The following MTA3 variants were observed in gnomAD, a reference collection of about 807,000 sequenced individuals.
MTA3 encodes metastasis-associated protein MTA3.
Under a neutral mutation model 83.5 loss-of-function variants are expected in MTA3, and 34 were observed. The observed-to-expected ratio is 0.41, with a 90% confidence interval of 0.31 to 0.54. The LOEUF (loss-of-function observed/expected upper bound fraction) is 0.54. Ranked by LOEUF, MTA3 falls within the 20% of genes least tolerant of loss-of-function variation. The probability of loss-of-function intolerance (pLI) is 0.33; values close to 1 mark genes in which losing one functional copy is unlikely to be tolerated. For missense variants in MTA3, 761 were observed against 726.4 expected (o/e 1.05, Z -0.55); for synonymous variants, 303 against 252.7 (o/e 1.20, Z -1.89).
At chr2:42,642,544 G>C (rs1347835458) in intron 5 of MTA3, among the ~76,000 whole-genome samples, 2 of 151,480 alleles carry the variant, frequency 1.3e-5, no homozygotes, top group African/African-American at 4.9e-5. Context: ...AATAACTTCA[G>C]TTACTGAGTA....
chr2:42,580,024 G>A (rs1296237383), intron 3 of MTA3, among the ~76,000 whole-genome samples: 1 of 152,120 alleles, frequency 6.6e-6, no homozygotes, highest in African/African-American at 2.4e-5. Flanking sequence ...GCTCACTGCA[G>A]CCTCGATGTC....
intron 2 of MTA3, among the ~76,000 whole-genome samples, chr2:42,536,946 T>C (rs931595): frequency 0.37 from 55,102 of 150,536 alleles, 10,226 homozygotes; most frequent in South Asian, 0.41. Flanking sequence ...CACCTGGGTG[T>C]AAGGAAAAAA....
rs559112132 is a variant in MTA3, at chr2:42,674,133, A to G, written c.703-8268A>G. Among the ~76,000 whole-genome samples, 56 of 152,384 alleles carry G rather than the reference A, an allele frequency of 3.7e-4. 1 individual carries two copies. The highest frequency in any genetic ancestry group is 2.9e-3 in the Admixed American group (44 of 15,306). Reference sequence around the variant, plus strand: ...ACAAAACTCAGTAGCACAAGAGGGCAAGGCCAAATGTGCAAACACTTGTCA... The same window carrying G: ...ACAAAACTCAGTAGCACAAGAGGGCGAGGCCAAATGTGCAAACACTTGTCA... On this transcript the variant is annotated intron_variant, in intron 8 of 16. Transcript: ENST00000405094.
At chr2:42,721,300 G>A (rs1297867961) in intron 15 of MTA3, among the ~76,000 whole-genome samples, 2 of 151,448 alleles carry the variant, frequency 1.3e-5, no homozygotes, top group African/African-American at 2.4e-5. Context: ...GGCACTTGGA[G>A]GAAGGACTGT....
chr2:42,521,745 TTCTC>T (rs975753405), intron 2 of MTA3, among the ~76,000 whole-genome samples: 13 of 129,330 alleles, frequency 1.0e-4, no homozygotes, highest in South Asian at 5.5e-4. Context: ...CCCTGAATCT[TTCTC>T]TCTTTTTTTT....
At chr2:42,724,493 T>C (rs777597471) in intron 16 of MTA3, among the ~76,000 whole-genome samples, 1 of 151,470 alleles carries the variant, frequency 6.6e-6, no homozygotes, top group Non-Finnish European at 1.5e-5. Flanking sequence ...CTACAAAAAG[T>C]TTACAAATTA....
intron 3 of MTA3, among the ~76,000 whole-genome samples, chr2:42,593,748 A>G (rs1327285374): frequency 6.6e-6 from 1 of 152,068 alleles, no homozygotes; most frequent in Non-Finnish European, 1.5e-5. Flanking sequence ...TCTGTACACT[A>G]CAATGGAACC....
intron 2 of MTA3, among the ~76,000 whole-genome samples, chr2:42,530,062 G>GT: frequency 6.6e-6 from 1 of 152,068 alleles, no homozygotes; most frequent in Admixed American, 6.6e-5. Context: ...GTGGGCGCCT[G>GT]TAATCCCAGC....
intron 14 of MTA3, among the ~76,000 whole-genome samples, chr2:42,716,821 G>T (rs750254171): frequency 1.3e-5 from 2 of 152,152 alleles, no homozygotes; most frequent in Non-Finnish European, 2.9e-5. Flanking sequence ...ATGATAGAAT[G>T]ATTTATATTC....
intron 5 of MTA3, among the ~76,000 whole-genome samples, chr2:42,642,644 G>GGTT (rs1687796275): frequency 7.4e-6 from 1 of 135,752 alleles, no homozygotes; most frequent in African/African-American, 2.7e-5. Flanking sequence ...TGTTAAGTTG[G>GGTT]TTTTTTTTTT....
intron 2 of MTA3, among the ~76,000 whole-genome samples, chr2:42,572,668 G>C (rs79240558): frequency 6.6e-6 from 1 of 152,138 alleles, no homozygotes; most frequent in Non-Finnish European, 1.5e-5. Context: ...TGTCCGAGAT[G>C]GTCGTTTATT....
chr2:42,539,452 G>C (rs1286622432), intron 2 of MTA3, among the ~76,000 whole-genome samples: 2 of 151,896 alleles, frequency 1.3e-5, no homozygotes, highest in Admixed American at 1.3e-4. Context: ...TAGCATGGGG[G>C]AAACTGCCCC....
chr2:42,614,648 AC>A (rs1208905218), intron 4 of MTA3, among the ~76,000 whole-genome samples: 3,500 of 152,054 alleles, frequency 0.023, 127 homozygotes, highest in African/African-American at 0.08. Flanking sequence ...CTTATATATA[AC>A]TCGTGTAATA....
intron 3 of MTA3, among the ~76,000 whole-genome samples, chr2:42,601,605 C>G (rs1294230844): frequency 6.6e-6 from 1 of 152,208 alleles, no homozygotes; most frequent in Non-Finnish European, 1.5e-5. Context: ...TCAGGCCAGT[C>G]TTGAACTTCC....
chr2:42,505,509 C>T (rs535063720), intron 2 of MTA3, among the ~76,000 whole-genome samples: 1 of 152,224 alleles, frequency 6.6e-6, no homozygotes, highest in Non-Finnish European at 1.5e-5. Flanking sequence ...GCCTCCCATG[C>T]TGGCTCAGCA....
rs368273333 is a variant in MTA3, at chr2:42,536,151, C to T, written c.-140-34286C>T. Among the ~76,000 whole-genome samples the T allele has an allele frequency of 3.4e-5, 5 of 148,994 alleles. No homozygotes were observed. In the East Asian group the frequency reaches 8.0e-4, roughly 24 times the overall value. ...AAAAAAAGCCATAGAGCATTTACCC[C>T]ACAACGGTCTCCCCCGGGCCATATG... On this transcript the variant is annotated intron_variant, in intron 2 of 17. Transcript: ENST00000405592.
At chr2:42,720,951 C>CA (rs377702701) in intron 15 of MTA3, among the ~76,000 whole-genome samples, 2,864 of 69,144 alleles carry the variant, frequency 0.041, 66 homozygotes, top group African/African-American at 0.056. Flanking sequence ...GACCCTGTCT[C>CA]AAAAAAAAAA....
At chr2:42,661,256 TG>T (rs1411666919) in intron 8 of MTA3, among the ~76,000 whole-genome samples, 1 of 152,030 alleles carries the variant, frequency 6.6e-6, no homozygotes, top group Non-Finnish European at 1.5e-5. Flanking sequence ...TATTTCACTT[TG>T]GGGGGCTGAG....
chr2:42,738,798 C>A (rs1043804676), intron 16 of MTA3, among the ~76,000 whole-genome samples: 7 of 152,346 alleles, frequency 4.6e-5, no homozygotes, highest in African/African-American at 1.7e-4. Context: ...ACTGGCCCCC[C>A]AGGGCGTACC....
Sources: gnomAD v4.1 joint callset for allele counts (sites outside exome capture counted in the v4.1 genomes callset) on GRCh38, gnomAD v4.1.1 for gene constraint, MANE v1.5 for transcripts, NCBI Gene and HGNC (gene_info 2026-07-23, HGNC 2026-07-21) for gene names.